PXK: variants seen among roughly 807,000 people sequenced by gnomAD.
PXK encodes the protein PX domain-containing protein kinase-like protein.
PXK carries 35 observed loss-of-function variants against 84.7 expected under a neutral mutation model. The ratio of observed to expected loss-of-function variants is 0.41; its 90% CI spans 0.32 to 0.55. The LOEUF is 0.55. PXK is among the 20% of genes least tolerant of loss of function. The probability of loss-of-function intolerance (pLI) is 0.21; values close to 1 mark genes in which losing one functional copy is unlikely to be tolerated. For missense variants in PXK, 634 were observed against 699.7 expected (o/e 0.91, Z 1.06); for synonymous variants, 253 against 260.8 (o/e 0.97, Z 0.29).
chr3:58,406,572 A>G (rs1228757705), intron 13 of PXK, among the ~76,000 whole-genome samples: 1 of 152,096 alleles, frequency 6.6e-6, no homozygotes, highest in Non-Finnish European at 1.5e-5. Flanking sequence ...CTAATTTTTA[A>G]ATTTTTAATT....
chr3:58,382,735 G>A (rs2098515543), intron 4 of PXK, 35 bp downstream of exon 4: 2 of 1,420,732 alleles, frequency 1.4e-6, no homozygotes, highest in South Asian at 1.5e-5. Flanking sequence ...TGGTCACATG[G>A]CTAAAGAGGC....
At chr3:58,355,970 G>C (rs891952638) in intron 1 of PXK, among the ~76,000 whole-genome samples, 1 of 152,132 alleles carries the variant, frequency 6.6e-6, no homozygotes, top group Admixed American at 6.5e-5. Context: ...ATTCGATCTC[G>C]CTGAGCTGAG....
In PXK at chr3:58,411,612, T is replaced by G. The variant is rs973353775; in HGVS notation, c.1466-1289T>G. Among the ~76,000 whole-genome samples, 1 of 152,160 alleles carries G rather than the reference T, an allele frequency of 6.6e-6. No individual in the cohort carries two copies. Among genetic ancestry groups the G allele is most frequent in the Non-Finnish European group, 1.5e-5 (1 of 68,030 alleles). On this transcript the variant is annotated intron_variant, in intron 16 of 17. Coordinates refer to ENST00000356151, the MANE Select transcript of PXK (RefSeq NM_017771.5). The surrounding 1 kb of genome is among the most constrained non-coding windows in gnomAD (Gnocchi z 4.2). ...GCAGAGAAAGCCTGACAGTGTGCTCTCTACCTTCTAAGACCCTGCCTGCCT... is the reference window on the plus strand; with the variant it reads ...GCAGAGAAAGCCTGACAGTGTGCTCGCTACCTTCTAAGACCCTGCCTGCCT...
At chr3:58,374,163 TTTTC>T (rs1195421324) in intron 3 of PXK, among the ~76,000 whole-genome samples, 2 of 145,262 alleles carry the variant, frequency 1.4e-5, no homozygotes, top group Non-Finnish European at 3.0e-5. Context: ...CTGCTTTCCA[TTTTC>T]TTTCTTTTTT....
In PXK at chr3:58,382,706, C is replaced by T. The variant is rs746999343; in HGVS notation, c.388+6C>T. On this transcript the variant is annotated splice_donor_region_variant and intron_variant, in intron 4 of 17. Transcript: ENST00000356151. ...CTATTCCGCAAACTATACTGGTAAG[C>T]GAAGGAATCTGTGAATTATGGTCAC... The T allele has an allele frequency of 4.7e-5, 71 of 1,518,534 alleles. No homozygotes were observed. Among genetic ancestry groups the T allele is most frequent in the Admixed American group, 4.1e-4 (18 of 43,708 alleles). The allele number at this position is 1,518,534 out of a possible 1,614,324, so 94.1% of individuals were successfully genotyped here.
At chr3:58,417,551 G>A (rs1219492025) in intron 17 of PXK, among the ~76,000 whole-genome samples, 1 of 152,084 alleles carries the variant, frequency 6.6e-6, no homozygotes, top group African/African-American at 2.4e-5. Flanking sequence ...CTTTAAGTCT[G>A]CTGGCAGTTC....
intron 1 of PXK, among the ~76,000 whole-genome samples, chr3:58,354,740 G>T (rs940915612): frequency 6.6e-6 from 1 of 151,416 alleles, no homozygotes; most frequent in Non-Finnish European, 1.5e-5. Flanking sequence ...GAGCCACCGC[G>T]CCTGGCCCGA....
Position 58,383,792 on chromosome 3 carries a change from A to G in PXK, c.388+1092A>G, listed in dbSNP as rs1201673037. 6.6e-6 allele frequency among the ~76,000 whole-genome samples: 1 copy of G among 152,250 alleles called. No homozygotes were observed. The highest frequency in any genetic ancestry group is 2.4e-5 in the African/African-American group (1 of 41,472). ...CTTTAGAGACTTTCTAAGTGGAACT[A>G]TGGATATTGTTACTTTGCTTGCTAA... On this transcript the variant is annotated intron_variant, in intron 4 of 17. Coordinates refer to ENST00000356151, the MANE Select transcript of PXK (RefSeq NM_017771.5). The surrounding 1 kb of genome is among the most constrained non-coding windows in gnomAD (Gnocchi z 4.0).
chr3:58,373,144 C>G (rs1419659617), intron 3 of PXK, among the ~76,000 whole-genome samples: 2 of 146,980 alleles, frequency 1.4e-5, no homozygotes, highest in Non-Finnish European at 3.0e-5. Context: ...AGTGGTGCAT[C>G]TCTGCTCACT....
chr3:58,373,724 C>T (rs2098409312), intron 3 of PXK, among the ~76,000 whole-genome samples: 1 of 152,108 alleles, frequency 6.6e-6, no homozygotes, highest in Non-Finnish European at 1.5e-5. Context: ...GTTTCCTCTG[C>T]CTGGAAGTTG....
At chr3:58,353,232 C>T (rs937111557) in intron 1 of PXK, among the ~76,000 whole-genome samples, 3 of 152,042 alleles carry the variant, frequency 2.0e-5, no homozygotes, top group Non-Finnish European at 2.9e-5. Flanking sequence ...CTCCTGACCT[C>T]GTGATCCGCC....
intron 1 of PXK, among the ~76,000 whole-genome samples, chr3:58,351,393 A>ATTTT (rs201486291): frequency 5.4e-4 from 41 of 76,058 alleles, no homozygotes; most frequent in East Asian, 1.5e-3. Flanking sequence ...ACAGCTAGCT[A>ATTTT]TTTGTGTGTG....
In PXK at chr3:58,364,019, G is replaced by C. The variant is rs1039612746; in HGVS notation, c.103-1855G>C. On this transcript the variant is annotated intron_variant, in intron 1 of 17. Coordinates refer to ENST00000356151, the MANE Select transcript of PXK (RefSeq NM_017771.5). The surrounding 1 kb of genome is among the most constrained non-coding windows in gnomAD (Gnocchi z 4.3). Reference sequence around the variant, plus strand: ...TCACATGATTTTTCTTGATTAGCCTGTTAATATGGCAGATTACATCGATCA... The same window carrying C: ...TCACATGATTTTTCTTGATTAGCCTCTTAATATGGCAGATTACATCGATCA... Among the ~76,000 whole-genome samples the C allele has an allele frequency of 7.9e-5, 12 of 152,134 alleles. No homozygotes were observed. Among genetic ancestry groups the C allele is most frequent in the African/African-American group, 2.9e-4 (12 of 41,440 alleles).
intron 1 of PXK, among the ~76,000 whole-genome samples, chr3:58,341,493 C>T (rs1337261939): frequency 3.3e-5 from 5 of 152,036 alleles, no homozygotes; most frequent in South Asian, 2.1e-4. Flanking sequence ...ACCCAGGGGA[C>T]GGTGGTTGCA....
chr3:58,337,492 T>G lies in PXK; in HGVS notation c.102+4402T>G, dbSNP rs1179709081. ...GATTCCAAGGTCTTTTTTTTTTCATTGTGAGACAGGTTCTTGCTCTGTCAC... is the reference window on the plus strand; with the variant it reads ...GATTCCAAGGTCTTTTTTTTTTCATGGTGAGACAGGTTCTTGCTCTGTCAC... On this transcript the variant is annotated intron_variant, in intron 1 of 17. Coordinates refer to ENST00000356151, the MANE Select transcript of PXK (RefSeq NM_017771.5). Among the ~76,000 whole-genome samples the G allele has an allele frequency of 1.6e-4, 25 of 152,242 alleles. No individual in the cohort carries two copies. In the East Asian group the frequency reaches 4.8e-3, roughly 29 times the overall value.
In PXK at chr3:58,424,791, C is replaced by T; in HGVS notation, c.1568C>T (p.Pro523Leu). The change falls in exon 18 of 18, where the codon CCA (proline) becomes CTA (leucine). Residue 523 changes from proline to leucine, a missense_variant. Physicochemically the swap from Pro to Leu is moderately conservative, Grantham distance 98. Coordinates refer to ENST00000356151, the MANE Select transcript of PXK (RefSeq NM_017771.5). ...CCTCCACCTCCTCCACCTCCACCACCACCAGCAGCTCCCTTGCCTCCTGCG... is the reference window on the plus strand; with the variant it reads ...CCTCCACCTCCTCCACCTCCACCACTACCAGCAGCTCCCTTGCCTCCTGCG... Reference protein sequence around the residue: ...ALPPPPPPPPPPAAPLPPAST... With the variant: ...ALPPPPPPPPLPAAPLPPAST... 1 of 1,614,174 alleles carries T rather than the reference C, an allele frequency of 6.2e-7. No individual in the cohort carries two copies. The highest frequency in any genetic ancestry group is 8.5e-7 in the Non-Finnish European group (1 of 1,180,028).
intron 1 of PXK, among the ~76,000 whole-genome samples, chr3:58,335,980 C>T (rs6445972): frequency 0.77 from 110,138 of 143,084 alleles, 42,991 homozygotes; most frequent in East Asian, 1. Flanking sequence ...TTATTGCAAG[C>T]AAGCTCATTT....
Position 58,391,183 on chromosome 3 carries a change from T to C in PXK, c.503T>C (p.Ile168Thr). The C allele has an allele frequency of 6.2e-7, 1 of 1,613,818 alleles. No homozygotes were observed. The highest frequency in any genetic ancestry group is 8.5e-7 in the Non-Finnish European group (1 of 1,179,782). The change falls in exon 6 of 18, where the codon ATT (isoleucine) becomes ACT (threonine). Residue 168 changes from isoleucine to threonine, a missense_variant. This residue lies in a region of PXK where 353 missense variants were observed against 385.2 expected (regional missense o/e 0.92). Coordinates refer to ENST00000356151, the MANE Select transcript of PXK (RefSeq NM_017771.5). ...RIRKKYFLMK[I>T]KNQPKERLVL... Reference sequence around the variant, plus strand: ...AGGAAGAAATATTTCTTGATGAAGATTAAAAATCAGCCAAAGGAACGGCTA... The same window carrying C: ...AGGAAGAAATATTTCTTGATGAAGACTAAAAATCAGCCAAAGGAACGGCTA...
Position 58,334,335 on chromosome 3 carries a change from A to C in PXK, c.102+1245A>C, listed in dbSNP as rs529428845. 4.6e-5 allele frequency among the ~76,000 whole-genome samples: 7 copies of C among 152,276 alleles called. No individual in the cohort carries two copies. The South Asian group carries it at 1.4e-3, about 32-fold the overall frequency. ...TTTCACGCTGTGTGTCTTTAATCCT[A>C]TTCTGTAGACATGTGAGAAGGCACA... On this transcript the variant is annotated intron_variant, in intron 1 of 17. Coordinates refer to ENST00000356151, the MANE Select transcript of PXK (RefSeq NM_017771.5).
Sources: gnomAD v4.1 joint callset for allele counts (sites outside exome capture counted in the v4.1 genomes callset) on GRCh38, gnomAD v4.1.1 for gene constraint, gnomAD v4.1.1 regional missense constraint, Gnocchi (gnomAD v3.1) non-coding constraint, MANE v1.5 for transcripts, NCBI Gene and HGNC (gene_info 2026-07-23, HGNC 2026-07-21) for gene names.